Variants in CDIN1 observed in about 807,000 individuals in gnomAD.
The protein encoded by CDIN1 is CDAN1 interacting nuclease 1, also known as CDAN1-interacting nuclease 1.
CDIN1 carries 33 observed loss-of-function variants against 45.3 expected under a neutral mutation model. That is an observed-to-expected ratio of 0.73 (90% CI 0.55 to 0.97). CDIN1 has a LOEUF of 0.97. Ranked by LOEUF, CDIN1 falls within the 50% of genes least tolerant of loss-of-function variation. The pLI, the probability that CDIN1 is intolerant of heterozygous loss-of-function variation, is 0.00. For synonymous variants in CDIN1, 118 were observed against 124.4 expected, an observed-to-expected ratio of 0.95 and a Z score of 0.34; for missense variants, 303 against 339.4, an observed-to-expected ratio of 0.89 and a Z score of 0.84.
chr15:36,681,123 T>C (rs2041836655), intron 5 of CDIN1, among the ~76,000 whole-genome samples: 1 of 152,088 alleles, frequency 6.6e-6, no homozygotes, highest in Non-Finnish European at 1.5e-5. Flanking sequence ...ATATAAAGTA[T>C]AAAATCTAAA....
At chr15:36,618,006 T>C in intron 1 of CDIN1, 1 of 789,854 alleles carries the variant, frequency 1.3e-6, no homozygotes, top group South Asian at 1.3e-5. Flanking sequence ...CCAGTCTTTA[T>C]GCAGCCTGTA....
chr15:36,628,982 T>C (rs1191002243), intron 1 of CDIN1, among the ~76,000 whole-genome samples: 2 of 152,162 alleles, frequency 1.3e-5, no homozygotes, highest in Admixed American at 1.3e-4. Context: ...TTGAAGATGC[T>C]GATCTTGAAA....
At chr15:36,700,737 TG>T (rs1301176186) in intron 8 of CDIN1, among the ~76,000 whole-genome samples, 1 of 151,822 alleles carries the variant, frequency 6.6e-6, no homozygotes, top group Non-Finnish European at 1.5e-5. Flanking sequence ...TGGAGCCTTC[TG>T]GGAAAACTGA....
chr15:36,722,880 A>G (rs1397415194), intron 10 of CDIN1, among the ~76,000 whole-genome samples: 2 of 152,020 alleles, frequency 1.3e-5, no homozygotes, highest in Non-Finnish European at 2.9e-5. Context: ...TTGACTCTGG[A>G]AGTCAAATTC....
chr15:36,756,962 A>G (rs760365916), intron 10 of CDIN1, among the ~76,000 whole-genome samples: 4 of 152,144 alleles, frequency 2.6e-5, no homozygotes, highest in Non-Finnish European at 5.9e-5. Context: ...GGAGTCCCCC[A>G]TGGCGCTCTG....
chr15:36,779,527 C>T (rs1211796013), intron 10 of CDIN1, among the ~76,000 whole-genome samples: 1 of 152,180 alleles, frequency 6.6e-6, no homozygotes, highest in Non-Finnish European at 1.5e-5. Context: ...CCTGAGCCTG[C>T]CCCAGACCAC....
intron 10 of CDIN1, among the ~76,000 whole-genome samples, chr15:36,748,550 T>C (rs1294808807): frequency 2.0e-5 from 3 of 152,146 alleles, no homozygotes; most frequent in African/African-American, 7.2e-5. Flanking sequence ...TGTTTCCCTG[T>C]TTTTGGAACC....
At chr15:36,802,836 G>A (rs1447302419) in intron 10 of CDIN1, among the ~76,000 whole-genome samples, 3 of 152,174 alleles carry the variant, frequency 2.0e-5, no homozygotes, top group African/African-American at 7.2e-5. Flanking sequence ...GGGCTTATCT[G>A]AGGATAGCTA....
Position 36,763,759 on chromosome 15 carries a change from G to A in CDIN1, c.717-44565G>A, listed in dbSNP as rs2053839072. 3.3e-5 allele frequency among the ~76,000 whole-genome samples: 5 copies of A among 152,186 alleles called. No homozygotes were observed. In the South Asian group the frequency reaches 1.0e-3, roughly 32 times the overall value. Reference sequence around the variant, plus strand: ...TGTATGTCTGTGTTCTCTGTGTAGAGTTCAACTCAACCTCAGGCCAAGAAT... The same window carrying A: ...TGTATGTCTGTGTTCTCTGTGTAGAATTCAACTCAACCTCAGGCCAAGAAT... On this transcript the variant is annotated intron_variant, in intron 10 of 10. Transcript: ENST00000566621.
chr15:36,768,461 C>T (rs1456274153), intron 10 of CDIN1, among the ~76,000 whole-genome samples: 1 of 152,204 alleles, frequency 6.6e-6, no homozygotes, highest in Non-Finnish European at 1.5e-5. Context: ...TTGAACTAGA[C>T]TGTAGCTGCT....
intron 1 of CDIN1, among the ~76,000 whole-genome samples, chr15:36,580,632 T>G (rs892253322): frequency 6.6e-6 from 1 of 152,230 alleles, no homozygotes; most frequent in African/African-American, 2.4e-5. Context: ...TTATCCAACT[T>G]TCTAAGAAAG....
At chr15:36,725,613 C>G (rs2043595154) in intron 10 of CDIN1, among the ~76,000 whole-genome samples, 1 of 152,086 alleles carries the variant, frequency 6.6e-6, no homozygotes, top group African/African-American at 2.4e-5. Context: ...TAATTATCTC[C>G]TGTGTACATA....
intron 5 of CDIN1, among the ~76,000 whole-genome samples, chr15:36,681,157 TATAA>T (rs1169329750): frequency 6.6e-6 from 1 of 152,088 alleles, no homozygotes; most frequent in Non-Finnish European, 1.5e-5. Flanking sequence ...TGCATATATA[TATAA>T]ACTGAGTAAA....
At chr15:36,686,849 G>A (rs1199516352) in intron 5 of CDIN1, among the ~76,000 whole-genome samples, 14 of 130,206 alleles carry the variant, frequency 1.1e-4, no homozygotes, top group Non-Finnish European at 1.8e-4. Context: ...AGAGAGGGAG[G>A]GAGGGAGGGG....
chr15:36,692,827 T>A (rs1324463052), intron 7 of CDIN1, among the ~76,000 whole-genome samples: 1 of 152,196 alleles, frequency 6.6e-6, no homozygotes, highest in African/African-American at 2.4e-5. Context: ...AAAACAAGAT[T>A]GAACAGACAG....
At chr15:36,797,771 G>A (rs1241326519) in intron 10 of CDIN1, among the ~76,000 whole-genome samples, 1 of 152,082 alleles carries the variant, frequency 6.6e-6, no homozygotes, top group East Asian at 1.9e-4. Flanking sequence ...CCTGAGGTGA[G>A]GCGTTCAAGA....
chr15:36,632,155 T>C (rs563349571), intron 1 of CDIN1, among the ~76,000 whole-genome samples: 1 of 152,290 alleles, frequency 6.6e-6, no homozygotes, highest in South Asian at 2.1e-4. Flanking sequence ...ATTTAGTATG[T>C]TGAGAAACAA....
chr15:36,772,569 C>T (rs1273030571), intron 10 of CDIN1, among the ~76,000 whole-genome samples: 2 of 152,206 alleles, frequency 1.3e-5, no homozygotes, highest in African/African-American at 4.8e-5. Flanking sequence ...TTTGACTATG[C>T]TGGCAGGCAA....
intron 4 of CDIN1, among the ~76,000 whole-genome samples, chr15:36,655,310 T>C (rs1313344644): frequency 7.1e-6 from 1 of 141,046 alleles, no homozygotes; most frequent in Non-Finnish European, 1.5e-5. Context: ...TAGAGCAGAG[T>C]GCTTTTTTTT....
Sources: gnomAD v4.1 joint callset for allele counts (sites outside exome capture counted in the v4.1 genomes callset) on GRCh38, gnomAD v4.1.1 for gene constraint, MANE v1.5 for transcripts, NCBI Gene and HGNC (gene_info 2026-07-23, HGNC 2026-07-21) for gene names.